Variants in SKI observed in about 807,000 individuals in gnomAD.
SKI encodes the protein ski oncogene.
A neutral mutation model predicts 59.3 loss-of-function variants in SKI; 23 were observed. The observed-to-expected ratio is 0.39, with a 90% confidence interval of 0.28 to 0.55. The LOEUF (loss-of-function observed/expected upper bound fraction) is 0.55. SKI is among the 20% of genes least tolerant of loss of function. The pLI, the probability that SKI is intolerant of heterozygous loss-of-function variation, is 0.67. For synonymous variants in SKI, 673 were observed against 488.6 expected, an observed-to-expected ratio of 1.38 and a Z score of -4.98; for missense variants, 1,017 against 1,038.9, an observed-to-expected ratio of 0.98 and a Z score of 0.29.
At chr1:2,306,451 A>AGGAGGGGCCGGCACGCGGCACTGG in intron 6 of SKI, 126 bp from the exon 7 acceptor site, 1 of 1,084,676 alleles carries the variant, frequency 9.2e-7, no homozygotes, top group South Asian at 1.5e-5. Context: ...TAGCAGGTGG[A>AGGAGGGGCCGGCACGCGGCACTGG]GGAGGGGCCG....
chr1:2,260,831 G>A (rs1639373667), intron 1 of SKI, among the ~76,000 whole-genome samples: 1 of 152,134 alleles, frequency 6.6e-6, no homozygotes, highest in African/African-American at 2.4e-5. Flanking sequence ...GAGCCACTAC[G>A]TCCGGCCTCA....
chr1:2,248,910 C>T (rs1371091792), intron 1 of SKI, among the ~76,000 whole-genome samples: 1 of 152,236 alleles, frequency 6.6e-6, no homozygotes, highest in Non-Finnish European at 1.5e-5. Flanking sequence ...CCATTGGCCC[C>T]TCTCCTGTTT....
At chr1:2,302,165 CA>C (rs1640441110) in intron 1 of SKI, among the ~76,000 whole-genome samples, 1 of 152,164 alleles carries the variant, frequency 6.6e-6, no homozygotes, top group Admixed American at 6.5e-5. Context: ...ACCTGACACA[CA>C]ACACCTGGTT....
chr1:2,240,552 T>C (rs576354527), intron 1 of SKI: 1 of 985,426 alleles, frequency 1.0e-6, no homozygotes, highest in Admixed American at 6.1e-5. Flanking sequence ...ACCGCTGGCT[T>C]CCTGGGGCCA....
rs1032229713 is a variant in SKI at position 2,270,279 on chromosome 1, C to A, written c.970-32699C>A. ...TCCTGGACCTGCTGCGTGTTATCCT[C>A]CCTGCGGGCCTGGCATGGGAGTAGG... On this transcript the variant is annotated intron_variant, in intron 1 of 6. Transcript: ENST00000378536. This position sits in a 1 kb window ranked among gnomAD's most constrained non-coding sequence, Gnocchi z 4.1. 2.6e-5 allele frequency among the ~76,000 whole-genome samples: 4 copies of A among 152,184 alleles called. No individual in the cohort carries two copies. The highest frequency in any genetic ancestry group is 4.4e-5 in the Non-Finnish European group (3 of 68,026).
chr1:2,303,962 C>G lies in SKI; in HGVS notation c.1334C>G (p.Pro445Arg), dbSNP rs771669801. The change falls in exon 4 of 7, where the codon CCT becomes CGT. Residue 445 changes from proline to arginine, a missense_variant. Pro to Arg is a moderately radical substitution (Grantham distance 103). Transcript: ENST00000378536. The surrounding 1 kb of genome is among the most constrained non-coding windows in gnomAD (Gnocchi z 5.6). ...GCCGCCGTCTCCCGGGCCCCCGAGC[C>G]TCTCGCCACTTGCACCCAGCCTCGG... The part of the protein sequence containing the change: ...CAAAVSRAPE[P>R]LATCTQPRKR... 2 of 1,612,312 alleles carry G rather than the reference C, an allele frequency of 1.2e-6. No individual in the cohort carries two copies. The highest frequency in any genetic ancestry group is 1.3e-5 in the African/African-American group (1 of 75,062).
rs761919775 is a variant in SKI at position 2,267,405 on chromosome 1, G to A, written c.970-35573G>A. 3.3e-5 allele frequency among the ~76,000 whole-genome samples: 5 copies of A among 152,182 alleles called. No individual in the cohort carries two copies. Among genetic ancestry groups the A allele is most frequent in the Non-Finnish European group, 7.4e-5 (5 of 68,026 alleles). ...AAGGAAGGGGTGTGTTGACAGGGCC[G>A]TTCGGGCCGGAGCAGGTGCGACAGG... is the stretch of plus-strand genomic sequence containing the variant. On this transcript the variant is annotated intron_variant, in intron 1 of 6. Transcript: ENST00000378536. The surrounding 1 kb of genome is among the most constrained non-coding windows in gnomAD (Gnocchi z 4.1).
rs375569215 is a variant in SKI at position 2,303,095 on chromosome 1, T to A, written c.1087T>A (p.Ser363Thr). ...CTGGCTGCGGACCTTGGCCGGCTCT[T>A]CCAATAAGGTGCTGTGGGGCCTGTC... ...SSWLRTLAGS[S>T]NKSLGCVHPR... The change falls in exon 2 of 7, where the codon TCC (serine) becomes ACC (threonine). Residue 363 changes from serine (S) to threonine (T), a missense_variant. By Grantham distance (58) the Ser-to-Thr change is moderately conservative. Transcript: ENST00000378536. This position sits in a 1 kb window ranked among gnomAD's most constrained non-coding sequence, Gnocchi z 5.6. 29 of 1,613,164 alleles carry A rather than the reference T, an allele frequency of 1.8e-5. No homozygotes were observed. The highest frequency in any genetic ancestry group is 2.3e-5 in the Non-Finnish European group (27 of 1,180,014).
rs1640210096 is a variant in SKI, at chr1:2,293,427, G to GGC, written c.970-9551_970-9550insGC. On this transcript the variant is annotated intron_variant, in intron 1 of 6. Coordinates refer to ENST00000378536, the MANE Select transcript of SKI (RefSeq NM_003036.4). ...TCTGAAGATGAGAAGCCAGGGCGAGGCCCCCCCCCAACATCTGGAAGGTTC... is the reference window on the plus strand; with the variant it reads ...TCTGAAGATGAGAAGCCAGGGCGAGGGCCCCCCCCCCAACATCTGGAAGGTTC... Among the ~76,000 whole-genome samples the GGC allele has an allele frequency of 3.5e-5, 5 of 142,792 alleles. No homozygotes were observed. The South Asian group carries it at 1.1e-3, about 32-fold the overall frequency. The allele number at this position is 142,792 out of a possible 152,430, so 93.7% of individuals were successfully genotyped here.
chr1:2,254,388 G>T lies in SKI; in HGVS notation c.969+24653G>T, dbSNP rs529774250. ...GGACTCTGCTGCACTGAGATCTCCA[G>T]CGTGACATGTCCCCGTCCCAAACAG... On this transcript the variant is annotated intron_variant, in intron 1 of 6. Transcript: ENST00000378536. 9.2e-5 allele frequency among the ~76,000 whole-genome samples: 14 copies of T among 152,326 alleles called. 1 individual carries two copies. The South Asian group carries it at 2.9e-3, about 32-fold the overall frequency.
At chr1:2,271,606 C>A (rs1373397241) in intron 1 of SKI, among the ~76,000 whole-genome samples, 1 of 152,158 alleles carries the variant, frequency 6.6e-6, no homozygotes, top group African/African-American at 2.4e-5. Context: ...TTTTGTGCTA[C>A]GCTGCTCTCG....
intron 1 of SKI, among the ~76,000 whole-genome samples, chr1:2,245,246 G>A (rs995488717): frequency 2.6e-5 from 4 of 152,126 alleles, no homozygotes; most frequent in Non-Finnish European, 5.9e-5. Context: ...GCAGCCATGC[G>A]TAGCCTGTGT....
At chr1:2,278,926 C>T (rs1639807701) in intron 1 of SKI, among the ~76,000 whole-genome samples, 2 of 152,218 alleles carry the variant, frequency 1.3e-5, no homozygotes, top group Admixed American at 1.3e-4. Flanking sequence ...CATCCAATTT[C>T]CCATGGTGCT....
At chr1:2,250,512 A>G (rs140894148) in intron 1 of SKI, among the ~76,000 whole-genome samples, 93 of 152,348 alleles carry the variant, frequency 6.1e-4, no homozygotes, top group African/African-American at 2.2e-3. Context: ...TTGCAGGAAG[A>G]ACGTGGTGAG....
intron 1 of SKI, among the ~76,000 whole-genome samples, chr1:2,244,286 C>T (rs1015626918): frequency 2.0e-5 from 3 of 149,628 alleles, no homozygotes; most frequent in Non-Finnish European, 3.0e-5. Flanking sequence ...TTTTAAGATT[C>T]TGTCATTTAG....
intron 1 of SKI, among the ~76,000 whole-genome samples, chr1:2,234,916 C>T (rs1210992178): frequency 2.6e-5 from 4 of 152,194 alleles, no homozygotes; most frequent in African/African-American, 9.7e-5. Flanking sequence ...GCCAGGGTGT[C>T]ATGGAGGGGG....
intron 1 of SKI, among the ~76,000 whole-genome samples, chr1:2,246,859 G>C (rs1333209165): frequency 1.3e-5 from 2 of 151,850 alleles, no homozygotes; most frequent in African/African-American, 4.8e-5. Flanking sequence ...CTGATGGGGG[G>C]GGCCTCAGGA....
rs1209988698 is a variant in SKI, at chr1:2,307,723, T to A, written c.*958T>A. 2 of 152,526 alleles carry A rather than the reference T, an allele frequency of 1.3e-5. No individual in the cohort carries two copies. Among genetic ancestry groups the A allele is most frequent in the Non-Finnish European group, 2.9e-5 (2 of 68,040 alleles). The allele number at this position is 152,526 out of a possible 1,614,324, so 9.4% of individuals were successfully genotyped here. On this transcript the variant is annotated 3_prime_UTR_variant, in exon 7 of 7. Coordinates refer to ENST00000378536, the MANE Select transcript of SKI (RefSeq NM_003036.4). ...TTTTTTTTGTTCGTTCATTTAAACG[T>A]ATATTTAGAACTGCACTTTGTCCAC...
chr1:2,306,358 C>CCCGGGA, intron 6 of SKI, 108 bp downstream of exon 6: 1 of 1,155,150 alleles, frequency 8.7e-7, no homozygotes, highest in East Asian at 2.6e-5. Flanking sequence ...AGAAGCCAGG[C>CCCGGGA]CCGGGACCAC....
Sources: gnomAD v4.1 joint callset for allele counts (sites outside exome capture counted in the v4.1 genomes callset) on GRCh38, gnomAD v4.1.1 for gene constraint, Gnocchi (gnomAD v3.1) non-coding constraint, MANE v1.5 for transcripts, NCBI Gene and HGNC (gene_info 2026-07-23, HGNC 2026-07-21) for gene names.